SLC44A5: variants seen among roughly 807,000 people sequenced by gnomAD.
SLC44A5 encodes choline transporter-like protein 5.
A neutral mutation model predicts 101.8 loss-of-function variants in SLC44A5; 57 were observed. The ratio of observed to expected loss-of-function variants is 0.56; its 90% CI spans 0.45 to 0.70. The LOEUF is 0.70. SLC44A5 is among the 30% of genes least tolerant of loss of function. The pLI, the probability that SLC44A5 is intolerant of heterozygous loss-of-function variation, is 0.00. For missense variants in SLC44A5, 737 were observed against 853.1 expected (o/e 0.86, Z 1.70); for synonymous variants, 281 against 290.9 (o/e 0.97, Z 0.35).
chr1:75,259,022 G>A (rs1650260060), intron 6 of SLC44A5, among the ~76,000 whole-genome samples: 1 of 152,074 alleles, frequency 6.6e-6, no homozygotes. Flanking sequence ...CCCAGCCAAA[G>A]GTCACTGACT....
intron 13 of SLC44A5, among the ~76,000 whole-genome samples, chr1:75,222,943 C>A (rs570488763): frequency 2.0e-5 from 3 of 152,168 alleles, no homozygotes; most frequent in Non-Finnish European, 4.4e-5. Context: ...GCACTATGGG[C>A]ACCATTGATG....
chr1:75,450,238 C>A (rs1190998388), intron 2 of SLC44A5, among the ~76,000 whole-genome samples: 1 of 152,100 alleles, frequency 6.6e-6, no homozygotes, highest in Non-Finnish European at 1.5e-5. Context: ...AGGATCTGAT[C>A]AACCAAGGTC....
At chr1:75,488,913 A>G (rs984156387) in intron 2 of SLC44A5, among the ~76,000 whole-genome samples, 3 of 152,184 alleles carry the variant, frequency 2.0e-5, no homozygotes, top group Non-Finnish European at 2.9e-5. Flanking sequence ...CAATGGCGTG[A>G]TCTTGGCTCA....
At chr1:75,406,024 G>A (rs79846113) in intron 2 of SLC44A5, among the ~76,000 whole-genome samples, 5,976 of 152,058 alleles carry the variant, frequency 0.039, 161 homozygotes, top group Middle Eastern at 0.071. Context: ...AAATGATAGA[G>A]GGGATATCAC....
the SLC44A5 span, among the ~76,000 whole-genome samples, chr1:75,616,203 C>G: frequency 1.3e-5 from 2 of 151,658 alleles, no homozygotes; most frequent in African/African-American, 4.8e-5. Flanking sequence ...CCCTGAGCGC[C>G]CGCCCAGCGC....
At chr1:75,261,589 T>A (rs1650508871) in intron 6 of SLC44A5, among the ~76,000 whole-genome samples, 1 of 151,894 alleles carries the variant, frequency 6.6e-6, no homozygotes, top group African/African-American at 2.4e-5. Flanking sequence ...CCACCAGAGG[T>A]ACAAAGAAGA....
rs763281785 is a variant in SLC44A5 at position 75,330,104 on chromosome 1, T to TAC, written c.101+9477_101+9478insGT. Among the ~76,000 whole-genome samples the TAC allele has an allele frequency of 3.5e-3, 510 of 144,202 alleles. 3 individuals are homozygous for TAC. The highest frequency in any genetic ancestry group is 0.013 in the African/African-American group (468 of 35,850). The allele number at this position is 144,202 out of a possible 152,430, so 94.6% of individuals were successfully genotyped here. A position where few individuals can be genotyped will look rare whatever the true frequency, so the allele number is the denominator to read the frequency against. ...CTGTGTGGCAAATGAAATATATATA[T>TAC]ATACACACACACACACACACACACA... On this transcript the variant is annotated intron_variant, in intron 4 of 23. Coordinates refer to ENST00000370859, the MANE Select transcript of SLC44A5 (RefSeq NM_001130058.2).
chr1:75,717,564 G>C, the SLC44A5 span, among the ~76,000 whole-genome samples: 1 of 152,004 alleles, frequency 6.6e-6, no homozygotes, highest in Non-Finnish European at 1.5e-5. Context: ...GTGACATGCA[G>C]TTTACCTATA....
intron 3 of SLC44A5, among the ~76,000 whole-genome samples, chr1:75,358,264 G>A (rs1204972034): frequency 6.6e-6 from 1 of 152,106 alleles, no homozygotes; most frequent in Non-Finnish European, 1.5e-5. Context: ...AATACATGGG[G>A]CACAGGGGAA....
Position 75,352,691 on chromosome 1 carries a change from T to C in SLC44A5, c.53-13061A>G, listed in dbSNP as rs574618050. On this transcript the variant is annotated intron_variant, in intron 3 of 23. Coordinates refer to ENST00000370859, the MANE Select transcript of SLC44A5 (RefSeq NM_001130058.2). ...ATACACTGCTAGTGAGAATAAAAAT[T>C]GGTAGAAGTGTTTTCAAAAAGTTTG... Among the ~76,000 whole-genome samples the C allele has an allele frequency of 3.0e-3, 456 of 152,226 alleles. 2 individuals carry two copies. The highest frequency in any genetic ancestry group is 0.011 in the African/African-American group (440 of 41,542).
intron 2 of SLC44A5, among the ~76,000 whole-genome samples, chr1:75,449,087 C>A (rs1017479442): frequency 3.9e-5 from 6 of 152,230 alleles, no homozygotes; most frequent in African/African-American, 1.2e-4. Flanking sequence ...CCACTCCCAA[C>A]TGCTTTCTCA....
At chr1:75,681,038 T>A in the SLC44A5 span, among the ~76,000 whole-genome samples, 1 of 150,808 alleles carries the variant, frequency 6.6e-6, no homozygotes, top group Non-Finnish European at 1.5e-5. Context: ...CCTTGACACA[T>A]ACACTCTCCC....
intron 3 of SLC44A5, among the ~76,000 whole-genome samples, chr1:75,386,743 C>T (rs1451206943): frequency 6.6e-6 from 1 of 151,156 alleles, no homozygotes; most frequent in South Asian, 2.1e-4. Context: ...AAAGAGCCCG[C>T]ATCGCCAAGG....
rs533623565 is a variant in SLC44A5 at position 75,281,666 on chromosome 1, A to T, written c.176-6624T>A. On this transcript the variant is annotated intron_variant, in intron 5 of 23. Transcript: ENST00000370859. The stretch of plus-strand genomic sequence containing the variant: ...CCCCCCCCCCCGCTGCATTTAGCCT[A>T]GGGACTTGGTGCCCCACATCCCAGC... Among the ~76,000 whole-genome samples, 18 of 89,752 alleles carry T rather than the reference A, an allele frequency of 2.0e-4. No homozygotes were observed. In the East Asian group the frequency reaches 6.1e-3, roughly 30 times the overall value. The allele number at this position is 89,752 out of a possible 152,430, so 58.9% of individuals were successfully genotyped here.
At chr1:75,469,774 C>CCTGT (rs1193295336) in intron 2 of SLC44A5, among the ~76,000 whole-genome samples, 11 of 151,938 alleles carry the variant, frequency 7.2e-5, no homozygotes, top group Non-Finnish European at 1.3e-4. Flanking sequence ...GTGGTGTATG[C>CCTGT]CTGTAGTCCT....
chr1:75,439,495 A>C (rs1176390265), intron 2 of SLC44A5, among the ~76,000 whole-genome samples: 1 of 152,118 alleles, frequency 6.6e-6, no homozygotes, highest in African/African-American at 2.4e-5. Flanking sequence ...AGGCAGGAGG[A>C]TCACTTGAGC....
At chr1:75,302,842 G>A (rs1053076612) in intron 4 of SLC44A5, among the ~76,000 whole-genome samples, 3 of 152,178 alleles carry the variant, frequency 2.0e-5, no homozygotes, top group Non-Finnish European at 4.4e-5. Context: ...CCTGGATAAC[G>A]TGGATACAGT....
intron 2 of SLC44A5, among the ~76,000 whole-genome samples, chr1:75,428,149 A>G (rs1319640733): frequency 6.6e-6 from 1 of 152,186 alleles, no homozygotes; most frequent in Non-Finnish European, 1.5e-5. Context: ...AGCAAGAAAT[A>G]AACCTCTGTT....
At chr1:75,284,324 GCTA>G (rs1465124538) in intron 5 of SLC44A5, among the ~76,000 whole-genome samples, 1 of 152,044 alleles carries the variant, frequency 6.6e-6, no homozygotes, top group African/African-American at 2.4e-5. Flanking sequence ...GTATAGCAGT[GCTA>G]CTAATTTGTG....
Sources: allele counts gnomAD v4.1 joint callset (sites outside exome capture counted in the v4.1 genomes callset), GRCh38; gene constraint gnomAD v4.1.1; transcripts MANE v1.5; gene names NCBI Gene and HGNC (gene_info 2026-07-23, HGNC 2026-07-21).